Variants in FUBP3 observed in about 807,000 individuals in gnomAD.
FUBP3 encodes the protein far upstream element binding protein 3, also known as far upstream element-binding protein 3.
FUBP3 carries 28 observed loss-of-function variants against 85.6 expected under a neutral mutation model. That is an observed-to-expected ratio of 0.33 (90% confidence interval 0.24 to 0.45). FUBP3 has a LOEUF of 0.45. Among genes scored for constraint, FUBP3 ranks in the 20% least tolerant of loss-of-function variants. The pLI is 1.00. For synonymous variants in FUBP3, 271 were observed against 271.4 expected (o/e 1.00, Z 0.01); for missense variants, 583 against 755.1 (o/e 0.77, Z 2.67).
At chr9:130,607,202 C>A (rs1389571845) in intron 2 of FUBP3, among the ~76,000 whole-genome samples, 1 of 151,926 alleles carries the variant, frequency 6.6e-6, no homozygotes, top group Non-Finnish European at 1.5e-5. Flanking sequence ...GAACTCCTGG[C>A]CTCAAGTTAT....
chr9:130,596,209 G>A (rs1278620308), intron 2 of FUBP3, among the ~76,000 whole-genome samples: 1 of 152,188 alleles, frequency 6.6e-6, no homozygotes, highest in Non-Finnish European at 1.5e-5. Flanking sequence ...TGTTTCTGTA[G>A]AGAGCTTGGA....
chr9:130,600,026 T>C (rs553963658), intron 2 of FUBP3, among the ~76,000 whole-genome samples: 84 of 152,118 alleles, frequency 5.5e-4, no homozygotes, highest in Non-Finnish European at 1.1e-3. Context: ...CTCTTCCTTA[T>C]CTTTTGACTT....
chr9:130,590,174 A>G (rs573530360), intron 1 of FUBP3, among the ~76,000 whole-genome samples: 1 of 152,156 alleles, frequency 6.6e-6, no homozygotes, highest in South Asian at 2.1e-4. Context: ...TTGTGAGAAC[A>G]ATGGAACTTT....
rs781443394 is a variant in FUBP3, at chr9:130,635,775, C to T, written c.1583-224C>T. ...TGCGCTTCCGCAGAGAGAAGGCAGGCGTGAGGATTGGTCTTCACAGGCATA... is the reference window on the plus strand; with the variant it reads ...TGCGCTTCCGCAGAGAGAAGGCAGGTGTGAGGATTGGTCTTCACAGGCATA... On this transcript the variant is annotated intron_variant, in intron 17 of 18. Coordinates refer to ENST00000319725, the MANE Select transcript of FUBP3 (RefSeq NM_003934.2). The surrounding 1 kb of genome is among the most constrained non-coding windows in gnomAD (Gnocchi z 4.3). The T allele has an allele frequency of 1.3e-4, 70 of 531,256 alleles. 1 individual carries two copies. The highest frequency in any genetic ancestry group is 2.2e-4 in the Non-Finnish European group (66 of 301,008). 32.9% of individuals were successfully genotyped at this position (531,256 alleles called of 1,614,324 possible).
chr9:130,631,551 C>T lies in FUBP3; in HGVS notation c.1279-6C>T. 1.2e-6 allele frequency: 2 copies of T among 1,612,158 alleles called. No individual in the cohort carries two copies. Among genetic ancestry groups the T allele is most frequent in the Non-Finnish European group, 1.7e-6 (2 of 1,178,204 alleles). ...GCGGGTGAGAGCTCCCTCTGTGCCC[C>T]CACAGGGGACCAATCTCGGAGCACC... is the stretch of plus-strand genomic sequence containing the variant. On this transcript the variant is annotated splice_region_variant and splice_polypyrimidine_tract_variant and intron_variant, in intron 13 of 18. Transcript: ENST00000319725.
rs750141979 is a variant in FUBP3, at chr9:130,620,347, T to A, written c.667-7T>A. On this transcript the variant is annotated splice_polypyrimidine_tract_variant and splice_region_variant and intron_variant, in intron 8 of 18. Coordinates refer to ENST00000319725, the MANE Select transcript of FUBP3 (RefSeq NM_003934.2). ...TCTCATAATGCTTTTTGTTTGTGTTTATGCAGCAAGCAAGAGAAATGGTAC... is the reference window on the plus strand; with the variant it reads ...TCTCATAATGCTTTTTGTTTGTGTTAATGCAGCAAGCAAGAGAAATGGTAC... 2 of 1,522,230 alleles carry A rather than the reference T, an allele frequency of 1.3e-6. No homozygotes were observed. The highest frequency in any genetic ancestry group is 2.8e-5 in the African/African-American group (2 of 71,956). 94.3% of individuals were successfully genotyped at this position (1,522,230 alleles called of 1,614,324 possible).
intron 12 of FUBP3, among the ~76,000 whole-genome samples, chr9:130,629,736 C>T (rs746868756): frequency 3.3e-5 from 5 of 152,188 alleles, no homozygotes; most frequent in Non-Finnish European, 7.3e-5. Context: ...CACCCAGGCT[C>T]GCTGCTGCCC....
chr9:130,597,297 C>T (rs1441160193), intron 2 of FUBP3, among the ~76,000 whole-genome samples: 1 of 152,068 alleles, frequency 6.6e-6, no homozygotes, highest in Non-Finnish European at 1.5e-5. Flanking sequence ...CCAAAAAGTT[C>T]TAGAGGACTG....
At chr9:130,586,837 G>A (rs1830357850) in intron 1 of FUBP3, among the ~76,000 whole-genome samples, 1 of 145,718 alleles carries the variant, frequency 6.9e-6, no homozygotes, top group Non-Finnish European at 1.5e-5. Flanking sequence ...TGCAAGCTCA[G>A]CCTCCCAGGT....
chr9:130,619,772 G>A (rs530925522), intron 8 of FUBP3, among the ~76,000 whole-genome samples: 60 of 152,316 alleles, frequency 3.9e-4, no homozygotes, highest in African/African-American at 1.4e-3. Context: ...ATATAGTGAC[G>A]TCCACAAGGA....
intron 6 of FUBP3, among the ~76,000 whole-genome samples, chr9:130,614,730 T>C (rs908464131): frequency 2.0e-5 from 3 of 152,200 alleles, no homozygotes; most frequent in Non-Finnish European, 4.4e-5. Context: ...ACCAGGACTT[T>C]TGGCTGGAGG....
Position 130,637,942 on chromosome 9 carries a change from A to G in FUBP3, c.*920A>G, listed in dbSNP as rs1236451407. 1 of 152,504 alleles carries G rather than the reference A, an allele frequency of 6.6e-6. No individual in the cohort carries two copies. Among genetic ancestry groups the G allele is most frequent in the Non-Finnish European group, 1.5e-5 (1 of 68,020 alleles). 9.4% of individuals were successfully genotyped at this position (152,504 alleles called of 1,614,324 possible). A position where few individuals can be genotyped will look rare whatever the true frequency, so the allele number is the denominator to read the frequency against. On this transcript the variant is annotated 3_prime_UTR_variant, in exon 19 of 19. Coordinates refer to ENST00000319725, the MANE Select transcript of FUBP3 (RefSeq NM_003934.2). ...CTTTTTTCTTTTAAATATTTTCTTA[A>G]TATTTTGTCAGATTAACTAGATGAA...
chr9:130,579,643 C>T lies in FUBP3; in HGVS notation c.-38C>T, dbSNP rs1376109655. The T allele has an allele frequency of 3.3e-6, 4 of 1,197,208 alleles. No homozygotes were observed. Among genetic ancestry groups the T allele is most frequent in the South Asian group, 4.2e-5 (1 of 23,650 alleles). 74.2% of individuals were successfully genotyped at this position (1,197,208 alleles called of 1,614,324 possible). A position where few individuals can be genotyped will look rare whatever the true frequency, so the allele number is the denominator to read the frequency against. ...CCGGGGAGCCGAGCGGCGGCGTCGGCGGCGTCGGCGGCGGCGGCGACGGCG... is the reference window on the plus strand; with the variant it reads ...CCGGGGAGCCGAGCGGCGGCGTCGGTGGCGTCGGCGGCGGCGGCGACGGCG... On this transcript the variant is annotated 5_prime_UTR_variant, in exon 1 of 19. Transcript: ENST00000319725.
At chr9:130,629,372 C>T (rs918807843) in intron 12 of FUBP3, among the ~76,000 whole-genome samples, 6 of 152,256 alleles carry the variant, frequency 3.9e-5, no homozygotes, top group African/African-American at 1.4e-4. Flanking sequence ...CCACCCTAAA[C>T]TTAACCAACG....
At chr9:130,632,734 A>G (rs1257469489) in intron 16 of FUBP3, among the ~76,000 whole-genome samples, 1 of 152,194 alleles carries the variant, frequency 6.6e-6, no homozygotes, top group Non-Finnish European at 1.5e-5. Flanking sequence ...TTCAGAAGCA[A>G]ACAGCTAGGG....
intron 8 of FUBP3, among the ~76,000 whole-genome samples, chr9:130,620,002 A>C (rs575471696): frequency 1.5e-3 from 226 of 152,314 alleles, no homozygotes; most frequent in Middle Eastern, 3.4e-3. Flanking sequence ...GCATCAAGAA[A>C]CACCTAGGCC....
intron 3 of FUBP3, among the ~76,000 whole-genome samples, chr9:130,610,564 AAG>A (rs1380571859): frequency 1.3e-4 from 20 of 152,350 alleles, no homozygotes; most frequent in Non-Finnish European, 5.9e-5. Context: ...GAGATACAGA[AAG>A]AGCCCTGAGT....
chr9:130,601,204 T>C (rs769521500), intron 2 of FUBP3, among the ~76,000 whole-genome samples: 3 of 152,178 alleles, frequency 2.0e-5, no homozygotes, highest in African/African-American at 7.2e-5. Flanking sequence ...GGGAAGTATA[T>C]AGAGAGTACC....
At chr9:130,624,209 C>G (rs142750289) in intron 11 of FUBP3, among the ~76,000 whole-genome samples, 1 of 152,304 alleles carries the variant, frequency 6.6e-6, no homozygotes, top group South Asian at 2.1e-4. Flanking sequence ...ATGACCAGAA[C>G]GGAAGAATAA....
Sources: gnomAD v4.1 joint callset for allele counts (sites outside exome capture counted in the v4.1 genomes callset) on GRCh38, gnomAD v4.1.1 for gene constraint, Gnocchi (gnomAD v3.1) non-coding constraint, MANE v1.5 for transcripts, NCBI Gene and HGNC (gene_info 2026-07-23, HGNC 2026-07-21) for gene names.